IFT122: variants seen among roughly 807,000 people sequenced by gnomAD.
IFT122 encodes the protein intraflagellar transport protein 122 homolog.
IFT122 carries 118 observed loss-of-function variants against 161.6 expected under a neutral mutation model. That is an observed-to-expected ratio of 0.73 (90% CI 0.63 to 0.85). The LOEUF (loss-of-function observed/expected upper bound fraction) is 0.85, where lower values mean the gene tolerates loss of function less well. Among genes scored for constraint, IFT122 ranks in the 40% least tolerant of loss-of-function variants. The pLI, the probability that IFT122 is intolerant of heterozygous loss-of-function variation, is 0.00. For missense variants in IFT122, 1,381 were observed against 1,579.6 expected, an observed-to-expected ratio of 0.87 and a Z score of 2.13; for synonymous variants, 550 against 602.4, an observed-to-expected ratio of 0.91 and a Z score of 1.27.
At chr3:129,492,932 CCTAGCCTCCCAA>C in intron 17 of IFT122, among the ~76,000 whole-genome samples, 1 of 151,790 alleles carries the variant, frequency 6.6e-6, no homozygotes, top group East Asian at 1.9e-4. Flanking sequence ...GATCCTCCCA[CCTAGCCTCCCAA>C]GTAGCTGGGA....
chr3:129,468,817 T>C (rs2077069164), intron 8 of IFT122, among the ~76,000 whole-genome samples: 1 of 152,210 alleles, frequency 6.6e-6, no homozygotes, highest in Non-Finnish European at 1.5e-5. Context: ...GAAAATTAGA[T>C]TCAGTCAGAA....
intron 1 of IFT122, among the ~76,000 whole-genome samples, chr3:129,446,569 C>T (rs2074030426): frequency 6.6e-6 from 1 of 152,158 alleles, no homozygotes; most frequent in Non-Finnish European, 1.5e-5. Context: ...TTAAATCAAC[C>T]TATAAGCTAG....
intron 20 of IFT122, 32 bp downstream of exon 20, chr3:129,502,914 C>T: frequency 1.2e-6 from 2 of 1,602,136 alleles, no homozygotes; most frequent in Non-Finnish European, 8.5e-7. Flanking sequence ...TGGGCTGGGG[C>T]CCCACCTGAG....
At chr3:129,489,271 G>C (rs1232233951) in intron 16 of IFT122, among the ~76,000 whole-genome samples, 1 of 152,226 alleles carries the variant, frequency 6.6e-6, no homozygotes, top group African/African-American at 2.4e-5. Flanking sequence ...GCCTGGCTGA[G>C]AACGAGCTGT....
chr3:129,478,017 TC>T lies in IFT122; in HGVS notation c.1150del (p.Arg384GlyfsTer43). The T allele has an allele frequency of 1.2e-6, 2 of 1,613,892 alleles. No individual in the cohort carries two copies. The highest frequency in any genetic ancestry group is 1.7e-6 in the Non-Finnish European group (2 of 1,179,732). On this transcript the variant is annotated frameshift_variant and splice_region_variant, in exon 12 of 30. Coordinates refer to ENST00000348417, the MANE Select transcript of IFT122 (RefSeq NM_052989.3). LOFTEE classifies it high-confidence loss of function. ...VQHLITEQKV[R>X]IKCKELVKKI... The stretch of plus-strand genomic sequence containing the variant: ...ACTAGATATTTTTTTCTTTGACAGT[TC>T]GGATTAAATGCAAAGAGCTTGTCAA...
rs115887933 is a variant in IFT122, at chr3:129,445,274, C to A, written c.42-4597C>A. ...CTGGGAGGCAGAGGTTGCTGTGAGC[C>A]AAGATCCTGCTACTGCACTCCAGCC... On this transcript the variant is annotated intron_variant, in intron 1 of 29. Transcript: ENST00000348417. Among the ~76,000 whole-genome samples, 492 of 152,188 alleles carry A rather than the reference C, an allele frequency of 3.2e-3. 2 individuals carry two copies. Among genetic ancestry groups the A allele is most frequent in the African/African-American group, 0.011 (443 of 41,518 alleles).
intron 3 of IFT122, among the ~76,000 whole-genome samples, chr3:129,457,092 A>G (rs1258520854): frequency 5.3e-5 from 8 of 152,194 alleles, no homozygotes; most frequent in Non-Finnish European, 1.0e-4. Flanking sequence ...AGATGTACAG[A>G]ATGTGGCACA....
chr3:129,464,557 A>C, intron 6 of IFT122, 78 bp from the exon 7 acceptor site: 1 of 1,562,406 alleles, frequency 6.4e-7, no homozygotes, highest in Non-Finnish European at 8.8e-7. Context: ...ATTTCAAACC[A>C]AGGCATCATC....
At position 129,472,333 on chromosome 3, in the gene IFT122, AT is replaced by A. The variant is rs1452368900; in HGVS notation, c.816+2928del. Among the ~76,000 whole-genome samples the A allele has an allele frequency of 3.6e-3, 528 of 146,536 alleles. 4 individuals are homozygous for A. The highest frequency in any genetic ancestry group is 0.012 in the African/African-American group (483 of 39,974). ...CACATCCTGCTAATTAAAAAAAAAA[AT>A]TTTTTTTTTTTGGTAGAGATAGGGT... On this transcript the variant is annotated intron_variant, in intron 9 of 29. Transcript: ENST00000348417.
chr3:129,485,690 C>G (rs191808916), intron 15 of IFT122, among the ~76,000 whole-genome samples: 3 of 152,378 alleles, frequency 2.0e-5, no homozygotes, highest in African/African-American at 7.2e-5. Context: ...AAAATAAATG[C>G]AGTTTGCTGC....
intron 9 of IFT122, among the ~76,000 whole-genome samples, chr3:129,471,308 A>C (rs1577506401): frequency 6.6e-6 from 1 of 152,336 alleles, no homozygotes; most frequent in East Asian, 1.9e-4. Flanking sequence ...GGGAGCAGAT[A>C]ATGAAGTATT....
chr3:129,517,970 G>A (rs1167022466), intron 27 of IFT122, among the ~76,000 whole-genome samples: 1 of 152,220 alleles, frequency 6.6e-6, no homozygotes, highest in Non-Finnish European at 1.5e-5. Context: ...ACTTTCGCAT[G>A]CAAGTGACAG....
intron 5 of IFT122, chr3:129,461,511 C>T (rs904080616): frequency 1.5e-5 from 9 of 604,718 alleles, no homozygotes; most frequent in Non-Finnish European, 2.7e-5. Flanking sequence ...GGTAAGACAT[C>T]AGAGACTACA....
At chr3:129,504,491 A>G in intron 21 of IFT122, 70 bp downstream of exon 21, 2 of 1,256,424 alleles carry the variant, frequency 1.6e-6, no homozygotes, top group South Asian at 1.2e-5. Context: ...CATTTCAGGA[A>G]GGCTACCAAG....
At chr3:129,512,569 G>A in intron 24 of IFT122, 157 bp downstream of exon 24, 2 of 695,566 alleles carry the variant, frequency 2.9e-6, no homozygotes, top group Middle Eastern at 2.4e-4. Flanking sequence ...TGGCTATAGA[G>A]GCTCAGCAGG....
At chr3:129,464,588 T>G (rs1343490399) in intron 6 of IFT122, 47 bp from the exon 7 acceptor site, 11 of 1,613,234 alleles carry the variant, frequency 6.8e-6, no homozygotes, top group Non-Finnish European at 9.3e-6. Context: ...TTACCTTCTG[T>G]GGGGTGCTTC....
chr3:129,479,852 T>A lies in IFT122; in HGVS notation c.1418T>A (p.Ile473Asn). 6.2e-7 allele frequency: 1 copy of A among 1,614,032 alleles called. No individual in the cohort carries two copies. The highest frequency in any genetic ancestry group is 2.2e-5 in the East Asian group (1 of 44,864). The change falls in exon 13 of 30, where the codon ATT becomes AAT. Residue 473 changes from isoleucine (I) to asparagine (N), a missense_variant. Physicochemically the swap from Ile to Asn is moderately radical, Grantham distance 149 (BLOSUM62 -3). Around this residue, in one of 7 missense-constraint regions of IFT122, gnomAD observed 544 missense variants for 648.0 expected, o/e 0.84. Transcript: ENST00000348417. ...KEREWQMESL[I>N]RYIKVIGGPP... ...CGGGAGTGGCAGATGGAGTCTCTCA[T>A]TCGTTACATCAAGGTGATCGGTGGC...
Position 129,464,232 on chromosome 3 carries a change from C to T in IFT122, c.417-403C>T, listed in dbSNP as rs147356926. Among the ~76,000 whole-genome samples the T allele has an allele frequency of 3.3e-5, 5 of 152,298 alleles. No homozygotes were observed. In the East Asian group the frequency reaches 5.8e-4, roughly 18 times the overall value. Reference sequence around the variant, plus strand: ...CCTTCCGTTCAGCATCTGTTGAGCACCTTCTACAAAGCAAGCACTGTTCTA... The same window carrying T: ...CCTTCCGTTCAGCATCTGTTGAGCATCTTCTACAAAGCAAGCACTGTTCTA... On this transcript the variant is annotated intron_variant, in intron 6 of 29. Transcript: ENST00000348417.
chr3:129,509,638 G>T lies in IFT122; in HGVS notation c.2886+1876G>T, dbSNP rs541690546. 9.5e-4 allele frequency among the ~76,000 whole-genome samples: 145 copies of T among 152,290 alleles called. 2 individuals are homozygous for T. Among genetic ancestry groups the T allele is most frequent in the African/African-American group, 3.2e-3 (135 of 41,558 alleles). ...ACTCATTAGCAAAAAAACATAAAGC[G>T]AGAAATGCCCGTTGAAATGATGTAT... On this transcript the variant is annotated intron_variant, in intron 23 of 29. Transcript: ENST00000348417.
Sources: gnomAD v4.1 joint callset for allele counts (sites outside exome capture counted in the v4.1 genomes callset) on GRCh38, gnomAD v4.1.1 for gene constraint, gnomAD v4.1.1 regional missense constraint, MANE v1.5 for transcripts, NCBI Gene and HGNC (gene_info 2026-07-23, HGNC 2026-07-21) for gene names.